Variants in MBD5 observed in about 807,000 individuals in gnomAD.
MBD5 encodes the protein methyl-CpG-binding domain protein 5.
In MBD5, 13 loss-of-function variants were observed where a neutral mutation model predicts 117.3. The observed-to-expected ratio is 0.11, with a 90% confidence interval of 0.07 to 0.18. The LOEUF is 0.18. Among genes scored for constraint, MBD5 ranks in the 10% least tolerant of loss-of-function variants. The probability of loss-of-function intolerance (pLI) is 1.00; values close to 1 mark genes in which losing one functional copy is unlikely to be tolerated. For synonymous variants in MBD5, 727 were observed against 766.4 expected, an observed-to-expected ratio of 0.95 and a Z score of 0.85; for missense variants, 1,879 against 2,093.8, an observed-to-expected ratio of 0.90 and a Z score of 2.00.
intron 1 of MBD5, among the ~76,000 whole-genome samples, chr2:148,102,719 CACACACACACAGAGAGAGAGAG>C (rs1385783882): frequency 2.3e-5 from 2 of 86,632 alleles, no homozygotes; most frequent in Non-Finnish European, 2.4e-5. Context: ...CACACACACA[CACACACACACAGAGAGAGAGAG>C]AGAGAGAGAG....
chr2:148,268,093 G>A (rs1700901848), intron 3 of MBD5, among the ~76,000 whole-genome samples: 1 of 151,690 alleles, frequency 6.6e-6, no homozygotes, highest in Non-Finnish European at 1.5e-5. Context: ...GAGACCACAG[G>A]CATGCACCAC....
At chr2:148,432,642 G>C (rs934628951) in intron 4 of MBD5, among the ~76,000 whole-genome samples, 5 of 151,986 alleles carry the variant, frequency 3.3e-5, no homozygotes, top group African/African-American at 1.2e-4. Context: ...CCCATTTCTC[G>C]TTGTTGTCAA....
intron 1 of MBD5, among the ~76,000 whole-genome samples, chr2:148,060,331 T>A (rs1410883544): frequency 6.6e-6 from 1 of 150,802 alleles, no homozygotes; most frequent in East Asian, 1.9e-4. Context: ...AAAAGAAAAG[T>A]CTCACTGGAG....
intron 3 of MBD5, among the ~76,000 whole-genome samples, chr2:148,303,394 G>A (rs930210117): frequency 2.1e-4 from 32 of 152,092 alleles, no homozygotes; most frequent in Admixed American, 2.0e-3. Flanking sequence ...CAGGCCAGCC[G>A]GCTTACCACA....
chr2:148,165,467 TTC>T (rs1266402635), intron 1 of MBD5, among the ~76,000 whole-genome samples: 4 of 152,078 alleles, frequency 2.6e-5, no homozygotes, highest in Admixed American at 6.5e-5. Flanking sequence ...TTTTATTATT[TTC>T]TCTGTTTCTG....
rs1425962721 is a variant in MBD5, at chr2:148,509,952, A to G, written c.5037-108A>G. ...CTGAATTTTCCAAACGCGAGTATAA[A>G]TTGGCTTTCTCTCGTGGAATTGGTA... On this transcript the variant is annotated intron_variant, in intron 12 of 13. Coordinates refer to ENST00000642680, the MANE Select transcript of MBD5 (RefSeq NM_001378120.1). The G allele has an allele frequency of 4.9e-6, 4 of 813,820 alleles. No individual in the cohort carries two copies. The African/African-American group carries it at 6.9e-5, about 14-fold the overall frequency. 50.4% of individuals were successfully genotyped at this position (813,820 alleles called of 1,614,324 possible). A position where few individuals can be genotyped will look rare whatever the true frequency, so the allele number is the denominator to read the frequency against.
chr2:148,218,344 C>G (rs1288796406), intron 2 of MBD5, among the ~76,000 whole-genome samples: 3 of 152,042 alleles, frequency 2.0e-5, no homozygotes, highest in Non-Finnish European at 4.4e-5. Context: ...AGCAGGATTG[C>G]AAGGGAACAG....
chr2:148,296,105 A>T (rs116380972), intron 3 of MBD5: 3,410 of 185,734 alleles, frequency 0.018, 48 homozygotes, highest in Non-Finnish European at 0.028. Context: ...TTCACAAGTA[A>T]TACATCTGGT....
intron 11 of MBD5, among the ~76,000 whole-genome samples, chr2:148,493,452 T>A (rs888405328): frequency 6.6e-6 from 1 of 152,208 alleles, no homozygotes; most frequent in African/African-American, 2.4e-5. Context: ...CCAAATTCTT[T>A]ATGGAAGCAG....
At chr2:148,240,168 C>T (rs760018970) in intron 3 of MBD5, among the ~76,000 whole-genome samples, 2 of 152,092 alleles carry the variant, frequency 1.3e-5, no homozygotes, top group Non-Finnish European at 2.9e-5. Context: ...ATCGCGAGGA[C>T]AGAAAACCAA....
intron 4 of MBD5, among the ~76,000 whole-genome samples, chr2:148,345,444 T>C (rs1192584979): frequency 1.4e-5 from 1 of 73,256 alleles, no homozygotes. Context: ...CATATGTATA[T>C]ACACATACAC....
At chr2:148,319,656 G>A (rs553828658) in intron 3 of MBD5, among the ~76,000 whole-genome samples, 107 of 152,256 alleles carry the variant, frequency 7.0e-4, no homozygotes, top group Middle Eastern at 3.4e-3. Flanking sequence ...GTTTTTGGTG[G>A]AGTCTTTAGA....
intron 3 of MBD5, among the ~76,000 whole-genome samples, chr2:148,283,064 CA>C (rs1157893368): frequency 6.6e-6 from 1 of 152,062 alleles, no homozygotes; most frequent in East Asian, 1.9e-4. Context: ...CCAGTCACCT[CA>C]CCTTACTGGA....
intron 4 of MBD5, among the ~76,000 whole-genome samples, chr2:148,414,807 A>T (rs539362989): frequency 1.3e-5 from 2 of 152,056 alleles, no homozygotes; most frequent in Admixed American, 6.6e-5. Flanking sequence ...GTTTTCTAAT[A>T]TCTTGGTAGA....
intron 2 of MBD5, among the ~76,000 whole-genome samples, chr2:148,195,005 C>A (rs59839105): frequency 6.6e-6 from 1 of 150,994 alleles, no homozygotes; most frequent in Non-Finnish European, 1.5e-5. Context: ...AGATTAAGGT[C>A]CATACTGTTT....
At chr2:148,340,687 AG>A (rs1040304086) in intron 3 of MBD5, among the ~76,000 whole-genome samples, 2 of 152,106 alleles carry the variant, frequency 1.3e-5, no homozygotes, top group Admixed American at 1.3e-4. Context: ...TGAAGCTAAA[AG>A]CCAGGTGGCA....
intron 2 of MBD5, among the ~76,000 whole-genome samples, chr2:148,185,080 C>CT (rs1698621426): frequency 1.3e-5 from 2 of 152,186 alleles, no homozygotes; most frequent in Non-Finnish European, 2.9e-5. Context: ...GGACTGTAGT[C>CT]TGAGTCCCTG....
At chr2:148,107,561 A>C (rs1696402167) in intron 1 of MBD5, among the ~76,000 whole-genome samples, 1 of 151,436 alleles carries the variant, frequency 6.6e-6, no homozygotes, top group African/African-American at 2.4e-5. Context: ...ATAATTTTTT[A>C]TTTCTCCTTT....
At chr2:148,157,381 GTTA>G (rs1697900553) in intron 1 of MBD5, among the ~76,000 whole-genome samples, 2 of 151,496 alleles carry the variant, frequency 1.3e-5, no homozygotes, top group Admixed American at 6.6e-5. Context: ...TCAATTTCTG[GTTA>G]TTGTTTTTTT....
Sources: gnomAD v4.1 joint callset for allele counts (sites outside exome capture counted in the v4.1 genomes callset) on GRCh38, gnomAD v4.1.1 for gene constraint, MANE v1.5 for transcripts, NCBI Gene and HGNC (gene_info 2026-07-23, HGNC 2026-07-21) for gene names.